Variants in CD55 observed in about 807,000 individuals in gnomAD.
CD55 encodes complement decay-accelerating factor.
In CD55, 41 loss-of-function variants were observed where a neutral mutation model predicts 45.8. That is an observed-to-expected ratio of 0.90 (90% CI 0.70 to 1.16). The LOEUF is 1.16. CD55 is among the 50% of genes most tolerant of loss of function. CD55 has a pLI of 0.00. For synonymous variants in CD55, 181 were observed against 181.1 expected, an observed-to-expected ratio of 1.00 and a Z score of 0.01; for missense variants, 416 against 469.8, an observed-to-expected ratio of 0.89 and a Z score of 1.06.
intron 6 of CD55, among the ~76,000 whole-genome samples, chr1:207,333,126 A>G (rs1655022041): frequency 6.6e-6 from 1 of 152,250 alleles, no homozygotes; most frequent in Non-Finnish European, 1.5e-5. Context: ...AAAGTACAAA[A>G]TGAAATCTCT....
intron 1 of CD55, 36 bp downstream of exon 1, chr1:207,321,901 G>A (rs1223628896): frequency 2.6e-5 from 38 of 1,437,398 alleles, no homozygotes; most frequent in Non-Finnish European, 3.4e-5. Flanking sequence ...AAGCCCCTGG[G>A]CTGGGTGGGA....
At chr1:207,352,827 T>C (rs1305566124) in intron 9 of CD55, among the ~76,000 whole-genome samples, 1 of 152,166 alleles carries the variant, frequency 6.6e-6, no homozygotes, top group Non-Finnish European at 1.5e-5. Flanking sequence ...CAGTCTTTTA[T>C]TCAGGTAATA....
rs1667520053 is a variant in CD55 at position 207,326,927 on chromosome 1, G to A, written c.664+90G>A. ...TGCCCCTTAAGAATATTAGCACAGT[G>A]TGTATTTGTAGCAAACCCACCTTTC... is the stretch of plus-strand genomic sequence containing the variant. On this transcript the variant is annotated intron_variant, in intron 5 of 9. Transcript: ENST00000367064. 6 of 906,814 alleles carry A rather than the reference G, an allele frequency of 6.6e-6. No homozygotes were observed. The South Asian group carries it at 9.2e-5, about 14-fold the overall frequency. The allele number at this position is 906,814 out of a possible 1,614,324, so 56.2% of individuals were successfully genotyped here. A position where few individuals can be genotyped will look rare whatever the true frequency, so the allele number is the denominator to read the frequency against.
intron 9 of CD55, among the ~76,000 whole-genome samples, chr1:207,344,460 T>C (rs1655551282): frequency 1.3e-5 from 2 of 152,172 alleles, no homozygotes; most frequent in South Asian, 4.1e-4. Flanking sequence ...TTCTTTTGTC[T>C]GGGAAAGACA....
intron 6 of CD55, among the ~76,000 whole-genome samples, chr1:207,335,954 G>GCT (rs1417165869): frequency 6.6e-6 from 1 of 152,110 alleles, no homozygotes; most frequent in Admixed American, 6.6e-5. Flanking sequence ...TTAGGGACTT[G>GCT]CTAGAGCTCA....
At chr1:207,354,035 T>A in intron 9 of CD55, 1 of 1,535,692 alleles carries the variant, frequency 6.5e-7, no homozygotes, top group Non-Finnish European at 8.7e-7. Flanking sequence ...TTGAAGTGTC[T>A]GGGTCATCCC....
chr1:207,336,846 AAC>A (rs1655198749), intron 7 of CD55, 28 bp downstream of exon 7: 1 of 1,612,772 alleles, frequency 6.2e-7, no homozygotes, highest in Non-Finnish European at 8.5e-7. Flanking sequence ...GTTCTTCAAA[AAC>A]ACACCACAGA....
At chr1:207,337,239 C>T (rs1655219620) in intron 7 of CD55, 90 bp from the exon 8 acceptor site, 2 of 853,194 alleles carry the variant, frequency 2.3e-6, no homozygotes, top group African/African-American at 3.4e-5. Context: ...ACGCAGAGTC[C>T]TTCAGCAGCA....
intron 9 of CD55, among the ~76,000 whole-genome samples, chr1:207,349,785 A>G (rs1655791637): frequency 6.6e-6 from 1 of 152,158 alleles, no homozygotes; most frequent in Non-Finnish European, 1.5e-5. Context: ...GGAGTATTCT[A>G]GGTTTAAACT....
chr1:207,325,594 TA>T, intron 3 of CD55, 27 bp from the exon 4 acceptor site: 1 of 1,457,998 alleles, frequency 6.9e-7, no homozygotes, highest in Non-Finnish European at 9.6e-7. Flanking sequence ...AATTTAATTT[TA>T]AAAAATCAAT....
intron 6 of CD55, 66 bp from the exon 7 acceptor site, chr1:207,336,627 T>C: frequency 6.3e-7 from 1 of 1,575,150 alleles, no homozygotes; most frequent in South Asian, 1.2e-5. Context: ...GAGCAAGCAA[T>C]GGCTAAGAAT....
intron 5 of CD55, among the ~76,000 whole-genome samples, chr1:207,327,755 C>T (rs897334164): frequency 1.3e-5 from 2 of 152,094 alleles, no homozygotes; most frequent in Non-Finnish European, 2.9e-5. Flanking sequence ...TGGTAGGCAA[C>T]GTGTACGGTC....
At chr1:207,331,388 A>T in intron 6 of CD55, 92 bp downstream of exon 6, 1 of 1,005,492 alleles carries the variant, frequency 9.9e-7, no homozygotes, top group East Asian at 2.4e-5. Context: ...CTAAGAAAAA[A>T]ATGTAAAATG....
At chr1:207,327,528 G>A (rs1654741125) in intron 5 of CD55, among the ~76,000 whole-genome samples, 1 of 152,164 alleles carries the variant, frequency 6.6e-6, no homozygotes, top group South Asian at 2.1e-4. Context: ...ATGTCTCTTG[G>A]AAATTGAGAG....
chr1:207,358,801 G>A (rs991219014), intron 9 of CD55, among the ~76,000 whole-genome samples: 2 of 151,850 alleles, frequency 1.3e-5, no homozygotes, highest in Non-Finnish European at 2.9e-5. Flanking sequence ...ATGACATATC[G>A]TCAGTTCTGG....
intron 8 of CD55, 103 bp downstream of exon 8, chr1:207,337,512 G>A: frequency 1.5e-6 from 1 of 686,476 alleles, no homozygotes; most frequent in Non-Finnish European, 2.6e-6. Context: ...CTAATTTATT[G>A]TAGCCAGGGT....
rs1461709996 is a variant in CD55, at chr1:207,324,692, A to G, written c.420A>G (p.Ser140=). Residue 140 remains serine (S), a synonymous_variant, in exon 3 of 10, where the codon TCA becomes TCG. Coordinates refer to ENST00000367064, the MANE Select transcript of CD55 (RefSeq NM_000574.5). ...RPGYRREPSL[S]PKLTCLQNLK... Reference sequence around the variant, plus strand: ...GTTACAGAAGAGAACCTTCTCTATCACCAAAACTAACTTGCCTTCAGAATT... The same window carrying G: ...GTTACAGAAGAGAACCTTCTCTATCGCCAAAACTAACTTGCCTTCAGAATT... The G allele has an allele frequency of 6.2e-7, 1 of 1,613,518 alleles. No individual in the cohort carries two copies. Among genetic ancestry groups the G allele is most frequent in the Non-Finnish European group, 8.5e-7 (1 of 1,179,776 alleles).
chr1:207,354,284 C>A, intron 9 of CD55: 1 of 972,004 alleles, frequency 1.0e-6, no homozygotes, highest in Non-Finnish European at 1.2e-6. Flanking sequence ...TGGCAATAAA[C>A]TGACTTACCC....
At chr1:207,332,984 T>A (rs10864231) in intron 6 of CD55, among the ~76,000 whole-genome samples, 2 of 151,878 alleles carry the variant, frequency 1.3e-5, no homozygotes, top group Non-Finnish European at 2.9e-5. Context: ...CCAGCAAAGC[T>A]TTAATGGTTA....
Sources: allele counts gnomAD v4.1 joint callset (sites outside exome capture counted in the v4.1 genomes callset), GRCh38; gene constraint gnomAD v4.1.1; transcripts MANE v1.5; gene names NCBI Gene and HGNC (gene_info 2026-07-23, HGNC 2026-07-21).